TAMALIN: variants seen among roughly 807,000 people sequenced by gnomAD.
The protein encoded by TAMALIN is protein TAMALIN.
In TAMALIN, 9 loss-of-function variants were observed where a neutral mutation model predicts 38.5. That is an observed-to-expected ratio of 0.23 (90% CI 0.14 to 0.41). The LOEUF (loss-of-function observed/expected upper bound fraction) is 0.41. Among genes scored for constraint, TAMALIN ranks in the 10% least tolerant of loss-of-function variants. The pLI, the probability that TAMALIN is intolerant of heterozygous loss-of-function variation, is 1.00. For synonymous variants in TAMALIN, 306 were observed against 256.5 expected (o/e 1.19, Z -1.85); for missense variants, 548 against 554.1 (o/e 0.99, Z 0.11).
chr12:52,010,858 C>T (rs1256965328), intron 2 of TAMALIN, 23 bp from the exon 3 acceptor site: 2 of 1,613,698 alleles, frequency 1.2e-6, no homozygotes, highest in Non-Finnish European at 1.7e-6. Flanking sequence ...TCCTAATTGT[C>T]TTGACCCCTG....
At chr12:52,009,926 CAG>C (rs1942473732) in intron 2 of TAMALIN, among the ~76,000 whole-genome samples, 1 of 152,212 alleles carries the variant, frequency 6.6e-6, no homozygotes, top group African/African-American at 2.4e-5. Flanking sequence ...CAATATATGA[CAG>C]AGATCATAAG....
At chr12:52,014,103 T>G in intron 6 of TAMALIN, 32 bp from the exon 7 acceptor site, 1 of 1,597,312 alleles carries the variant, frequency 6.3e-7, no homozygotes, top group Non-Finnish European at 8.6e-7. Flanking sequence ...CCTGCTAGCT[T>G]GTGACAGTGG....
chr12:52,008,302 G>A, intron 1 of TAMALIN: 2 of 985,250 alleles, frequency 2.0e-6, no homozygotes, highest in Non-Finnish European at 2.4e-6. Context: ...GGCTGCTCTG[G>A]GACTGGACCT....
chr12:52,010,769 A>T, intron 2 of TAMALIN, 112 bp from the exon 3 acceptor site: 1 of 1,178,292 alleles, frequency 8.5e-7, no homozygotes, highest in South Asian at 1.3e-5. Context: ...GTCACTGGAG[A>T]CAGAGTCCTG....
In TAMALIN at chr12:52,014,587, G is replaced by A. The variant is rs1392452919; in HGVS notation, c.683-107G>A. On this transcript the variant is annotated intron_variant, in intron 7 of 7. Transcript: ENST00000293662. ...TGTGCCTGGCCAGGGCCACAGAGAT[G>A]GTCAGCAGGACGGAGCGGGGACGCC... 3.7e-5 allele frequency: 31 copies of A among 829,038 alleles called. No homozygotes were observed. The Middle Eastern group carries it at 1.1e-3, about 30-fold the overall frequency. 51.4% of individuals were successfully genotyped at this position (829,038 alleles called of 1,614,324 possible). A position where few individuals can be genotyped will look rare whatever the true frequency, so the allele number is the denominator to read the frequency against.
Position 52,014,161 on chromosome 12 carries a change from G to T in TAMALIN, c.642G>T (p.Glu214Asp). ...AAACCCTGTATGAGAAGTGGGGAGA[G>T]TACAGGTCCCTAATGGTGCAGGAGC... ...LKQTLYEKWG[E>D]YRSLMVQEQR... The change falls in exon 7 of 8, where the codon GAG (glutamate) becomes GAT (aspartate). Residue 214 changes from glutamate (E) to aspartate (D), a missense_variant. Glu to Asp is a conservative substitution (Grantham distance 45, BLOSUM62 2). This residue lies in a region of TAMALIN where 415 missense variants were observed against 417.0 expected (regional missense o/e 1.00). Coordinates refer to ENST00000293662, the MANE Select transcript of TAMALIN (RefSeq NM_181711.4). 1 of 1,604,850 alleles carries T rather than the reference G, an allele frequency of 6.2e-7. No homozygotes were observed. Among genetic ancestry groups the T allele is most frequent in the Non-Finnish European group, 8.5e-7 (1 of 1,175,450 alleles).
Position 52,015,797 on chromosome 12 carries a change from GT to G in TAMALIN, c.*600del, listed in dbSNP as rs1417147564. Reference sequence around the variant, plus strand: ...CCCCTTGGGAGACAGGAACTGGCGAGTTCAGGTGGGGTGGGGACAGCACAGA... The same window carrying G: ...CCCCTTGGGAGACAGGAACTGGCGAGTCAGGTGGGGTGGGGACAGCACAGA... On this transcript the variant is annotated 3_prime_UTR_variant, in exon 8 of 8. Transcript: ENST00000293662. 1 of 154,128 alleles carries G rather than the reference GT, an allele frequency of 6.5e-6. No homozygotes were observed. The highest frequency in any genetic ancestry group is 1.5e-5 in the Non-Finnish European group (1 of 68,928). 9.5% of individuals were successfully genotyped at this position (154,128 alleles called of 1,614,324 possible). A position where few individuals can be genotyped will look rare whatever the true frequency, so the allele number is the denominator to read the frequency against.
Position 52,014,053 on chromosome 12 carries a change from A to G in TAMALIN, c.616-82A>G, listed in dbSNP as rs1362863244. ...CTGTAACTGAAGATTTCTTTTGTCT[A>G]CTCCCTGATCCCTCGTCTGTACCCA... On this transcript the variant is annotated intron_variant, in intron 6 of 7. Coordinates refer to ENST00000293662, the MANE Select transcript of TAMALIN (RefSeq NM_181711.4). 6 of 1,549,474 alleles carry G rather than the reference A, an allele frequency of 3.9e-6. No homozygotes were observed. The African/African-American group carries it at 8.2e-5, about 21-fold the overall frequency.
chr12:52,013,140 C>T (rs1048304450), intron 4 of TAMALIN, among the ~76,000 whole-genome samples: 2 of 146,052 alleles, frequency 1.4e-5, no homozygotes, highest in Non-Finnish European at 3.0e-5. Flanking sequence ...TGCAGTGGCG[C>T]GATCTCGGCT....
intron 4 of TAMALIN, among the ~76,000 whole-genome samples, chr12:52,013,169 C>T (rs906593697): frequency 5.7e-4 from 86 of 149,746 alleles, no homozygotes; most frequent in Middle Eastern, 3.2e-3. Flanking sequence ...GCTCCGCCTC[C>T]CGGGTTCACG....
intron 4 of TAMALIN, among the ~76,000 whole-genome samples, chr12:52,012,891 C>T (rs527506851): frequency 1.3e-5 from 2 of 152,290 alleles, no homozygotes; most frequent in African/African-American, 4.8e-5. Context: ...AGAGGCTGGA[C>T]TGATTATCTG....
At position 52,014,740 on chromosome 12, in the gene TAMALIN, G is replaced by A; in HGVS notation, c.729G>A (p.Val243=). The A allele has an allele frequency of 2.0e-6, 3 of 1,521,588 alleles. No homozygotes were observed. Among genetic ancestry groups the A allele is most frequent in the South Asian group, 1.2e-5 (1 of 80,058 alleles). The allele number at this position is 1,521,588 out of a possible 1,614,324, so 94.3% of individuals were successfully genotyped here. ...GCATCTACGACACGCTGGAGTCGGT[G>A]CGCTCCTGCCTCTACGGCGCGGGCC... is the stretch of plus-strand genomic sequence containing the variant. ...DPSIYDTLES[V]RSCLYGAGLL... The change falls in exon 8 of 8, where the codon GTG becomes GTA. Residue 243 remains valine, a synonymous_variant. Transcript: ENST00000293662.
intron 4 of TAMALIN, among the ~76,000 whole-genome samples, chr12:52,013,162 C>T (rs1489409330): frequency 1.3e-5 from 2 of 148,470 alleles, no homozygotes; most frequent in African/African-American, 5.0e-5. Context: ...ACTGCAAGCT[C>T]CGCCTCCCGG....
intron 1 of TAMALIN, chr12:52,008,746 G>A (rs572974488): frequency 6.1e-6 from 6 of 985,394 alleles, no homozygotes; most frequent in African/African-American, 1.7e-5. Context: ...GAAGGTCCTC[G>A]GAGCACCTTG....
In TAMALIN at chr12:52,014,901, C is replaced by G. The variant is rs1937758007; in HGVS notation, c.890C>G (p.Ala297Gly). The G allele has an allele frequency of 1.7e-6, 2 of 1,181,850 alleles. No individual in the cohort carries two copies. The highest frequency in any genetic ancestry group is 4.2e-5 in the Admixed American group (1 of 23,956). The allele number at this position is 1,181,850 out of a possible 1,614,324, so 73.2% of individuals were successfully genotyped here. ...TTCTTCGGGGACTCCGAGCCGCCGG[C>G]GCTGCCGCCCCCGCCGCCCCCGGCC... Reference protein sequence around the residue: ...TCFFGDSEPPALPPPPPPARA... With the variant: ...TCFFGDSEPPGLPPPPPPARA... Residue 297 changes from alanine (A) to glycine (G), a missense_variant, in exon 8 of 8, where the codon GCG becomes GGG. Around this residue, in one of 3 missense-constraint regions of TAMALIN, gnomAD observed 415 missense variants for 417.0 expected, o/e 1.00. Coordinates refer to ENST00000293662, the MANE Select transcript of TAMALIN (RefSeq NM_181711.4).
At position 52,014,704 on chromosome 12, in the gene TAMALIN, G is replaced by A. The variant is rs1937745874; in HGVS notation, c.693G>A (p.Val231=). The change falls in exon 8 of 8, where the codon GTG becomes GTA. Residue 231 remains valine (V), a synonymous_variant. Coordinates refer to ENST00000293662, the MANE Select transcript of TAMALIN (RefSeq NM_181711.4). ...CCCGTCTCTGCGCAGGCCTGGTGGT[G>A]AAGGACCCCAGCATCTACGACACGC... ...QEQRLVHGLV[V]KDPSIYDTLE... is the part of the protein sequence containing the mutation. 7 of 1,504,246 alleles carry A rather than the reference G, an allele frequency of 4.7e-6. No homozygotes were observed. The highest frequency in any genetic ancestry group is 6.1e-6 in the Non-Finnish European group (7 of 1,140,802). 93.2% of individuals were successfully genotyped at this position (1,504,246 alleles called of 1,614,324 possible).
At chr12:52,008,025 A>G (rs1034798903) in intron 1 of TAMALIN, 1 of 985,292 alleles carries the variant, frequency 1.0e-6, no homozygotes. Flanking sequence ...TTCCTCACCC[A>G]GCCGCCCTCC....
chr12:52,007,084 C>G lies in TAMALIN; in HGVS notation c.65C>G (p.Ala22Gly). 1 of 1,477,614 alleles carries G rather than the reference C, an allele frequency of 6.8e-7. No homozygotes were observed. Among genetic ancestry groups the G allele is most frequent in the Non-Finnish European group, 8.9e-7 (1 of 1,121,672 alleles). The allele number at this position is 1,477,614 out of a possible 1,614,324, so 91.5% of individuals were successfully genotyped here. The change falls in exon 1 of 8, where the codon GCC (alanine) becomes GGC (glycine). Residue 22 changes from alanine (A) to glycine (G), a missense_variant. Physicochemically the swap from Ala to Gly is moderately conservative, Grantham distance 60. Transcript: ENST00000293662. This position sits in a 1 kb window ranked among gnomAD's most constrained non-coding sequence, Gnocchi z 6.7. ...GAGGCGGCGGCCACCCCGGACCCCG[C>G]CGCCCGGACTCCCGACTCGGAAGTC... ...KEEAAATPDP[A>G]ARTPDSEVAP...
At chr12:52,013,345 G>A (rs1442625151) in intron 4 of TAMALIN, among the ~76,000 whole-genome samples, 2 of 152,120 alleles carry the variant, frequency 1.3e-5, no homozygotes, top group African/African-American at 2.4e-5. Flanking sequence ...CCAAAGTGCT[G>A]GGATTACAGG....
Sources: gnomAD v4.1 joint callset for allele counts (sites outside exome capture counted in the v4.1 genomes callset) on GRCh38, gnomAD v4.1.1 for gene constraint, gnomAD v4.1.1 regional missense constraint, Gnocchi (gnomAD v3.1) non-coding constraint, MANE v1.5 for transcripts, NCBI Gene and HGNC (gene_info 2026-07-23, HGNC 2026-07-21) for gene names.